Variants in DPP3 observed in about 807,000 individuals in gnomAD.
DPP3 encodes the protein DPP III.
In DPP3, 64 loss-of-function variants were observed where a neutral mutation model predicts 89.8. The ratio of observed to expected loss-of-function variants is 0.71; its 90% confidence interval spans 0.58 to 0.88. DPP3 has a LOEUF of 0.88. Among genes scored for constraint, DPP3 ranks in the 40% least tolerant of loss-of-function variants. DPP3 has a pLI of 0.00. For synonymous variants in DPP3, 377 were observed against 404.3 expected, an observed-to-expected ratio of 0.93 and a Z score of 0.81; for missense variants, 835 against 972.5, an observed-to-expected ratio of 0.86 and a Z score of 1.88.
rs1230891633 is a variant in DPP3 at position 66,487,320 on chromosome 11, C to T, written c.551C>T (p.Ala184Val). ...GNCTMEDAKL[A>V]QDFLDSQNLS... ...TGTACCATGGAAGATGCCAAATTGG[C>T]CCAGGACTTTCTGGACTCACAGGTT... is the stretch of plus-strand genomic sequence containing the variant. Residue 184 changes from alanine (A) to valine (V), a missense_variant, in exon 5 of 18, where the codon GCC (alanine) becomes GTC (valine). Physicochemically the swap from Ala to Val is moderately conservative, Grantham distance 64. Coordinates refer to ENST00000531863, the MANE Select transcript of DPP3 (RefSeq NM_130443.4). 1.9e-6 allele frequency: 3 copies of T among 1,613,884 alleles called. No individual in the cohort carries two copies. Among genetic ancestry groups the T allele is most frequent in the Admixed American group, 3.3e-5 (2 of 59,978 alleles).
Position 66,509,148 on chromosome 11 carries a change from T to C in DPP3, c.2111T>C (p.Phe704Ser). ...AGLIRSFSERFPEDGPELEEI... is the reference protein window; with the variant it reads ...AGLIRSFSERSPEDGPELEEI... ...CTCATCCGATCCTTCTCTGAGCGTT[T>C]CCCAGAGGATGGACCCGAGTTGGAG... The change falls in exon 18 of 18, where the codon TTC becomes TCC. Residue 704 changes from phenylalanine to serine, a missense_variant. By Grantham distance (155) the Phe-to-Ser change is radical. Coordinates refer to ENST00000531863, the MANE Select transcript of DPP3 (RefSeq NM_130443.4). 1.2e-6 allele frequency: 2 copies of C among 1,614,184 alleles called. No individual in the cohort carries two copies. The highest frequency in any genetic ancestry group is 1.7e-6 in the Non-Finnish European group (2 of 1,180,048).
In DPP3 at chr11:66,504,684, C is replaced by A. The variant is rs142447712; in HGVS notation, c.1951C>A (p.Pro651Thr). ...YEGYATVTDA[P>T]PECFLTLRDT... The stretch of plus-strand genomic sequence containing the variant: ...GGGGTATGCAACAGTCACTGATGCG[C>A]CCCCCGAGTGCTTCCTCACCCTCAG... The change falls in exon 17 of 18, where the codon CCC becomes ACC. Residue 651 changes from proline to threonine, a missense_variant. Pro to Thr is a conservative substitution (Grantham distance 38). Transcript: ENST00000531863. The A allele has an allele frequency of 8.6e-5, 138 of 1,612,060 alleles. No individual in the cohort carries two copies. Among genetic ancestry groups the A allele is most frequent in the Non-Finnish European group, 1.1e-4 (128 of 1,179,100 alleles).
rs774445764 is a variant in DPP3, at chr11:66,485,256, G to T, written c.354G>T (p.Leu118Phe). ...GTGACACCAAGTTTGTTCCCAACTTGCCCAAGGTGAGCCAAGGGAGGGTTG... is the reference window on the plus strand; with the variant it reads ...GTGACACCAAGTTTGTTCCCAACTTTCCCAAGGTGAGCCAAGGGAGGGTTG... ...SFGDTKFVPN[L>F]PKEKLERVIL... Residue 118 changes from leucine to phenylalanine, a missense_variant, in exon 3 of 18, where the codon TTG (leucine) becomes TTT (phenylalanine). Physicochemically the swap from Leu to Phe is conservative, Grantham distance 22. Transcript: ENST00000531863. 6.2e-7 allele frequency: 1 copy of T among 1,613,904 alleles called. No homozygotes were observed. The highest frequency in any genetic ancestry group is 1.3e-5 in the African/African-American group (1 of 74,888).
In DPP3 at chr11:66,487,187, C is replaced by T. The variant is rs115287060; in HGVS notation, c.499-81C>T. ...AGAGGCTGCTGAAAGGAGGGAGGGG[C>T]GGGAAGCCTGGGAATATGACGTCCC... On this transcript the variant is annotated intron_variant, in intron 4 of 17. Coordinates refer to ENST00000531863, the MANE Select transcript of DPP3 (RefSeq NM_130443.4). The T allele has an allele frequency of 1.5e-3, 2,061 of 1,384,144 alleles. 28 individuals are homozygous for T. In the African/African-American group the frequency reaches 0.023, roughly 16 times the overall value. 85.7% of individuals were successfully genotyped at this position (1,384,144 alleles called of 1,614,324 possible).
chr11:66,490,409 G>A (rs914521177), intron 6 of DPP3, among the ~76,000 whole-genome samples: 5 of 152,180 alleles, frequency 3.3e-5, no homozygotes, highest in Admixed American at 2.0e-4. Flanking sequence ...TCCTTCTGGA[G>A]TCTCAGGAAG....
chr11:66,508,089 G>A (rs1251314326), intron 17 of DPP3, among the ~76,000 whole-genome samples: 1 of 152,226 alleles, frequency 6.6e-6, no homozygotes, highest in African/African-American at 2.4e-5. Context: ...GTATTTGCCT[G>A]CGGTCACAAA....
In DPP3 at chr11:66,491,240, C is replaced by T. The variant is rs777510985; in HGVS notation, c.668-13C>T. The T allele has an allele frequency of 4.3e-6, 7 of 1,612,416 alleles. No homozygotes were observed. Among genetic ancestry groups the T allele is most frequent in the South Asian group, 2.2e-5 (2 of 90,996 alleles). ...TCCAGCCTTTTCTCTTGAATGACAC[C>T]TTCTTTCCCCAGAGCCTTCCCTGGA... On this transcript the variant is annotated splice_polypyrimidine_tract_variant and intron_variant, in intron 6 of 17. Coordinates refer to ENST00000531863, the MANE Select transcript of DPP3 (RefSeq NM_130443.4).
intron 5 of DPP3, 71 bp downstream of exon 5, chr11:66,487,413 G>T (rs1855262294): frequency 6.7e-7 from 1 of 1,496,406 alleles, no homozygotes; most frequent in Non-Finnish European, 9.3e-7. Context: ...CTCACAACTG[G>T]TGACCACTCC....
In DPP3 at chr11:66,491,259, C is replaced by A; in HGVS notation, c.674C>A (p.Ser225Tyr). The A allele has an allele frequency of 1.2e-6, 2 of 1,613,370 alleles. No individual in the cohort carries two copies. Among genetic ancestry groups the A allele is most frequent in the Non-Finnish European group, 1.7e-6 (2 of 1,179,916 alleles). ...TGACACCTTCTTTCCCCAGAGCCTTCCCTGGACTCTGAGGTGACTTCCAAG... is the reference window on the plus strand; with the variant it reads ...TGACACCTTCTTTCCCCAGAGCCTTACCTGGACTCTGAGGTGACTTCCAAG... ...RLASVLGSEP[S>Y]LDSEVTSKLK... The change falls in exon 7 of 18, where the codon TCC becomes TAC. Residue 225 changes from serine to tyrosine, a missense_variant. Physicochemically the swap from Ser to Tyr is moderately radical, Grantham distance 144 (BLOSUM62 -2). Transcript: ENST00000531863.
At chr11:66,488,126 T>C in intron 6 of DPP3, 119 bp downstream of exon 6, 1 of 855,432 alleles carries the variant, frequency 1.2e-6, no homozygotes, top group Non-Finnish European at 1.8e-6. Flanking sequence ...CCCAGGATTT[T>C]CTACATAAGT....
intron 6 of DPP3, among the ~76,000 whole-genome samples, chr11:66,489,208 G>A (rs1055869110): frequency 3.9e-5 from 6 of 152,122 alleles, no homozygotes; most frequent in African/African-American, 1.2e-4. Context: ...CTTCTCATGC[G>A]GAACCCCCTC....
chr11:66,493,693 C>T, intron 12 of DPP3, 60 bp downstream of exon 12: 4 of 1,517,260 alleles, frequency 2.6e-6, no homozygotes, highest in Non-Finnish European at 2.7e-6. Context: ...CCACAACCTG[C>T]CCTACCCAGC....
At chr11:66,493,933 C>T (rs995586771) in intron 12 of DPP3, among the ~76,000 whole-genome samples, 4 of 152,108 alleles carry the variant, frequency 2.6e-5, no homozygotes, top group South Asian at 2.1e-4. Context: ...TGCTGTTCCC[C>T]GCACCAGGAG....
chr11:66,488,840 C>G (rs1266273502), intron 6 of DPP3, among the ~76,000 whole-genome samples: 1 of 152,108 alleles, frequency 6.6e-6, no homozygotes, highest in Non-Finnish European at 1.5e-5. Flanking sequence ...TCTGATGGAC[C>G]CTCTCTAGGT....
At position 66,491,263 on chromosome 11, in the gene DPP3, G is replaced by A. The variant is rs745512010; in HGVS notation, c.678G>A (p.Leu226=). ...ACCTTCTTTCCCCAGAGCCTTCCCT[G>A]GACTCTGAGGTGACTTCCAAGCTGA... ...LASVLGSEPS[L]DSEVTSKLKS... is the part of the protein sequence containing the mutation. The change falls in exon 7 of 18, where the codon CTG becomes CTA. Residue 226 remains leucine (L), a synonymous_variant. Transcript: ENST00000531863. The A allele has an allele frequency of 2.5e-6, 4 of 1,613,456 alleles. No individual in the cohort carries two copies. In the Admixed American group the frequency reaches 5.0e-5, roughly 20 times the overall value.
intron 1 of DPP3, 108 bp downstream of exon 1, chr11:66,480,573 C>T: frequency 3.9e-6 from 5 of 1,283,518 alleles, no homozygotes; most frequent in Non-Finnish European, 5.1e-6. Context: ...CTCTCCAGTA[C>T]CCCCTCCAAA....
intron 17 of DPP3, 33 bp from the exon 18 acceptor site, chr11:66,509,046 T>C: frequency 6.2e-7 from 1 of 1,610,188 alleles, no homozygotes; most frequent in Non-Finnish European, 8.5e-7. Flanking sequence ...ATTCAGACCT[T>C]TCCCTGCTGT....
intron 16 of DPP3, among the ~76,000 whole-genome samples, chr11:66,499,060 G>A (rs898200916): frequency 6.6e-6 from 1 of 151,988 alleles, no homozygotes; most frequent in Non-Finnish European, 1.5e-5. Flanking sequence ...CCATAAAGAA[G>A]GTGTCAAGTC....
chr11:66,490,767 G>GTTTTTTTTTTTTT (rs1441207501), intron 6 of DPP3, among the ~76,000 whole-genome samples: 2 of 138,090 alleles, frequency 1.4e-5, no homozygotes, highest in East Asian at 2.1e-4. Context: ...TGTTTTTTTT[G>GTTTTTTTTTTTTT]TTTTGTTTTT....
Sources: gnomAD v4.1 joint callset for allele counts (sites outside exome capture counted in the v4.1 genomes callset) on GRCh38, gnomAD v4.1.1 for gene constraint, MANE v1.5 for transcripts, NCBI Gene and HGNC (gene_info 2026-07-23, HGNC 2026-07-21) for gene names.